Variants in FGFR1 observed in about 807,000 individuals in gnomAD.
The protein encoded by FGFR1 is FGFR1/PLAG1 fusion.
A neutral mutation model predicts 93.7 loss-of-function variants in FGFR1; 18 were observed. The ratio of observed to expected loss-of-function variants is 0.19; its 90% CI spans 0.13 to 0.28. The LOEUF (loss-of-function observed/expected upper bound fraction) is 0.28. Among genes scored for constraint, FGFR1 ranks in the 10% least tolerant of loss-of-function variants. FGFR1 has a pLI of 1.00. For synonymous variants in FGFR1, 448 were observed against 429.3 expected, an observed-to-expected ratio of 1.04 and a Z score of -0.54; for missense variants, 731 against 1,080.4, an observed-to-expected ratio of 0.68 and a Z score of 4.53.
chr8:38,460,072 A>G (rs1833995853), intron 1 of FGFR1, among the ~76,000 whole-genome samples: 1 of 152,142 alleles, frequency 6.6e-6, no homozygotes, highest in African/African-American at 2.4e-5. Context: ...AATCCCAGCT[A>G]CTCAGGAGGC....
At chr8:38,444,554 A>G (rs999507942) in intron 2 of FGFR1, among the ~76,000 whole-genome samples, 6 of 93,228 alleles carry the variant, frequency 6.4e-5, no homozygotes, top group African/African-American at 1.8e-4. Context: ...ACGCGTGGCT[A>G]AATTTTTTTT....
rs912552030 is a variant in FGFR1, at chr8:38,417,751, G to A, written c.1552+119C>T. 2.8e-5 allele frequency: 40 copies of A among 1,429,642 alleles called. 1 individual carries two copies. The East Asian group carries it at 9.1e-4, about 32-fold the overall frequency. The allele number at this position is 1,429,642 out of a possible 1,614,324, so 88.6% of individuals were successfully genotyped here. ...CTCCACTCCCAGGTAACCCCAAGCA[G>A]GCAGCGGAGCAGGTGTGGGCAGCAA... On this transcript the variant is annotated intron_variant, in intron 11 of 17. Coordinates refer to ENST00000447712, the MANE Select transcript of FGFR1 (RefSeq NM_023110.3).
chr8:38,422,118 A>G (rs1332285484), intron 7 of FGFR1, 177 bp from the exon 8 acceptor site: 1 of 708,930 alleles, frequency 1.4e-6, no homozygotes, highest in Non-Finnish European at 2.4e-6. Flanking sequence ...TTAGAGGAAG[A>G]GGGTGAGACC....
At chr8:38,448,618 A>C (rs1228854872) in intron 2 of FGFR1, among the ~76,000 whole-genome samples, 1 of 151,974 alleles carries the variant, frequency 6.6e-6, no homozygotes, top group Non-Finnish European at 1.5e-5. Context: ...TCTATTAAAA[A>C]CTCCACATAA....
chr8:38,430,053 C>CCGCA, intron 2 of FGFR1, 105 bp from the exon 3 acceptor site: 1 of 1,163,150 alleles, frequency 8.6e-7, no homozygotes, highest in African/African-American at 1.5e-5. Flanking sequence ...CCACACGGAG[C>CCGCA]CGCACCATCC....
intron 12 of FGFR1, among the ~76,000 whole-genome samples, chr8:38,417,092 TAACACAC>T (rs902194707): frequency 1.3e-5 from 2 of 152,212 alleles, no homozygotes; most frequent in African/African-American, 4.8e-5. Context: ...CTGCCTCTGT[TAACACAC>T]CACGTGTGTG....
chr8:38,468,230 A>C lies in FGFR1; in HGVS notation c.-338T>G, dbSNP rs527518565. ...GGCGGGGGGAGGGCTCCCGTCCGCC[A>C]CCCGGGGTCTCCAGACCTTGTGCCC... On this transcript the variant is annotated 5_prime_UTR_variant, in exon 1 of 18. Coordinates refer to ENST00000447712, the MANE Select transcript of FGFR1 (RefSeq NM_023110.3). The C allele has an allele frequency of 5.5e-4, 126 of 228,014 alleles. No homozygotes were observed. Among genetic ancestry groups the C allele is most frequent in the African/African-American group, 2.4e-3 (108 of 44,982 alleles). 14.1% of individuals were successfully genotyped at this position (228,014 alleles called of 1,614,324 possible).
At chr8:38,423,286 G>T in intron 7 of FGFR1, 2 of 600,622 alleles carry the variant, frequency 3.3e-6, no homozygotes, top group Non-Finnish European at 6.1e-6. Flanking sequence ...GAGATGTTAA[G>T]TGAGATTTAT....
chr8:38,449,862 T>C (rs1345773916), intron 2 of FGFR1, among the ~76,000 whole-genome samples: 4 of 152,046 alleles, frequency 2.6e-5, no homozygotes. Flanking sequence ...GTTTGGCAAG[T>C]GGAAAGGCAA....
intron 7 of FGFR1, chr8:38,423,312 GTTTTTTTTTTTT>G (rs58594253): frequency 1.7e-5 from 6 of 361,220 alleles, no homozygotes; most frequent in African/African-American, 2.7e-5. Flanking sequence ...TTCCCTTTTA[GTTTTTTTTTTTT>G]TTTTTTTTTT....
chr8:38,462,902 CTTTTT>C (rs11364295), intron 1 of FGFR1, among the ~76,000 whole-genome samples: 3 of 114,830 alleles, frequency 2.6e-5, no homozygotes, highest in Non-Finnish European at 3.5e-5. Flanking sequence ...CTGTGCCTGG[CTTTTT>C]TTTTTTTTTT....
At chr8:38,433,885 C>T (rs1469713595) in intron 2 of FGFR1, among the ~76,000 whole-genome samples, 3 of 152,190 alleles carry the variant, frequency 2.0e-5, no homozygotes, top group South Asian at 4.1e-4. Flanking sequence ...TACCATCCCT[C>T]GCCCCTCAAA....
At chr8:38,439,704 C>T (rs185975246) in intron 2 of FGFR1, among the ~76,000 whole-genome samples, 1 of 152,274 alleles carries the variant, frequency 6.6e-6, no homozygotes, top group Non-Finnish European at 1.5e-5. Context: ...CTTTTCTTCC[C>T]CTAAATGCCT....
intron 1 of FGFR1, among the ~76,000 whole-genome samples, chr8:38,458,293 C>A (rs1833443228): frequency 6.6e-6 from 1 of 152,134 alleles, no homozygotes. Context: ...GCAATCCCAG[C>A]ACTTCGGGAG....
intron 2 of FGFR1, chr8:38,440,258 G>C (rs953580286): frequency 4.5e-6 from 7 of 1,546,624 alleles, no homozygotes; most frequent in African/African-American, 1.4e-5. Flanking sequence ...CCTCTGCAGA[G>C]GTTTTTTTAT....
intron 2 of FGFR1, among the ~76,000 whole-genome samples, chr8:38,455,304 G>A (rs560502263): frequency 1.3e-5 from 2 of 151,812 alleles, no homozygotes; most frequent in South Asian, 2.1e-4. Flanking sequence ...TTTTTGAGAC[G>A]GAGTCTCACT....
At chr8:38,456,709 T>A (rs141879321) in intron 2 of FGFR1, among the ~76,000 whole-genome samples, 283 of 152,282 alleles carry the variant, frequency 1.9e-3, no homozygotes, top group African/African-American at 6.3e-3. Flanking sequence ...TAGCTGGGAC[T>A]AGCAGCGTGC....
intron 2 of FGFR1, among the ~76,000 whole-genome samples, chr8:38,450,644 C>G (rs928049778): frequency 6.6e-6 from 1 of 152,188 alleles, no homozygotes; most frequent in Admixed American, 6.5e-5. Flanking sequence ...TGACCCGACT[C>G]CAGGTAGTCA....
intron 2 of FGFR1, chr8:38,434,426 AAC>A: frequency 2.7e-6 from 1 of 375,574 alleles, no homozygotes; most frequent in South Asian, 3.1e-5. Flanking sequence ...TTCCTGGCTC[AAC>A]ACTGATGGAA....
Sources: allele counts gnomAD v4.1 joint callset (sites outside exome capture counted in the v4.1 genomes callset), GRCh38; gene constraint gnomAD v4.1.1; transcripts MANE v1.5; gene names NCBI Gene and HGNC (gene_info 2026-07-23, HGNC 2026-07-21).